CNTNAP2: variants seen among roughly 807,000 people sequenced by gnomAD.
CNTNAP2 encodes the protein contactin associated protein 2, also known as contactin-associated protein-like 2.
CNTNAP2 carries 98 observed loss-of-function variants against 155.2 expected under a neutral mutation model. The ratio of observed to expected loss-of-function variants is 0.63; its 90% confidence interval spans 0.54 to 0.75. The LOEUF is 0.75. Among genes scored for constraint, CNTNAP2 ranks in the 30% least tolerant of loss-of-function variants. The probability of loss-of-function intolerance (pLI) is 0.00; values close to 1 mark genes in which losing one functional copy is unlikely to be tolerated. For missense variants in CNTNAP2, 1,727 were observed against 1,688.1 expected, an observed-to-expected ratio of 1.02 and a Z score of -0.40; for synonymous variants, 651 against 631.2, an observed-to-expected ratio of 1.03 and a Z score of -0.47.
chr7:147,336,694 A>T (rs1032268829), intron 9 of CNTNAP2, among the ~76,000 whole-genome samples: 1 of 152,142 alleles, frequency 6.6e-6, no homozygotes, highest in African/African-American at 2.4e-5. Context: ...AGTCCAGGAC[A>T]TTAAATATCT....
intron 11 of CNTNAP2, among the ~76,000 whole-genome samples, chr7:147,541,337 T>C (rs1318954606): frequency 1.3e-5 from 2 of 152,170 alleles, no homozygotes; most frequent in African/African-American, 2.4e-5. Flanking sequence ...ACTTTCCTCC[T>C]TTGAAAATGG....
At chr7:148,139,585 G>A (rs1226892473) in intron 16 of CNTNAP2, among the ~76,000 whole-genome samples, 1 of 152,074 alleles carries the variant, frequency 6.6e-6, no homozygotes, top group Non-Finnish European at 1.5e-5. Context: ...GTGCAGTGGC[G>A]TGATCTCGGC....
At chr7:146,824,567 A>G (rs565081499) in intron 2 of CNTNAP2, among the ~76,000 whole-genome samples, 2 of 152,218 alleles carry the variant, frequency 1.3e-5, no homozygotes, top group South Asian at 2.1e-4. Flanking sequence ...CTGACTTTTT[A>G]ATGATTGCCA....
chr7:146,522,040 A>G (rs773230808), intron 1 of CNTNAP2, among the ~76,000 whole-genome samples: 5 of 151,868 alleles, frequency 3.3e-5, no homozygotes, highest in African/African-American at 1.2e-4. Flanking sequence ...TTGAAAAACA[A>G]AAGAGCTATA....
At chr7:147,652,673 T>C (rs1015938373) in intron 13 of CNTNAP2, among the ~76,000 whole-genome samples, 6 of 152,046 alleles carry the variant, frequency 3.9e-5, no homozygotes, top group Admixed American at 3.9e-4. Flanking sequence ...TAGGTTTATG[T>C]ACCTCTAGAC....
At chr7:147,071,579 T>G (rs1799892502) in intron 4 of CNTNAP2, among the ~76,000 whole-genome samples, 1 of 152,152 alleles carries the variant, frequency 6.6e-6, no homozygotes, top group African/African-American at 2.4e-5. Context: ...TAGCAATCAG[T>G]GAATACTTGA....
At chr7:147,104,271 A>C (rs2129278551) in intron 4 of CNTNAP2, among the ~76,000 whole-genome samples, 1 of 152,200 alleles carries the variant, frequency 6.6e-6, no homozygotes, top group South Asian at 2.1e-4. Flanking sequence ...TTTTTATTGA[A>C]GAAGTTGGAC....
intron 1 of CNTNAP2, among the ~76,000 whole-genome samples, chr7:146,196,835 T>C (rs540733850): frequency 1.0e-3 from 157 of 152,280 alleles, no homozygotes; most frequent in Middle Eastern, 6.8e-3. Flanking sequence ...CGCACTACTA[T>C]TGGAAATTTC....
At chr7:146,934,999 T>C (rs1050361087) in intron 3 of CNTNAP2, among the ~76,000 whole-genome samples, 1 of 152,230 alleles carries the variant, frequency 6.6e-6, no homozygotes, top group Admixed American at 6.5e-5. Context: ...ACATTGATGA[T>C]GAAACCTTTA....
chr7:147,428,854 T>G (rs898198205), intron 10 of CNTNAP2, among the ~76,000 whole-genome samples: 12 of 152,224 alleles, frequency 7.9e-5, no homozygotes, highest in Admixed American at 3.9e-4. Flanking sequence ...AGGGGTAATT[T>G]CTGACATTTA....
At chr7:147,857,373 G>GC (rs2116679484) in intron 13 of CNTNAP2, among the ~76,000 whole-genome samples, 1 of 152,174 alleles carries the variant, frequency 6.6e-6, no homozygotes, top group Non-Finnish European at 1.5e-5. Flanking sequence ...GGCTATTTGA[G>GC]CATCTAAATA....
intron 21 of CNTNAP2, among the ~76,000 whole-genome samples, chr7:148,339,974 A>AGT (rs10603520): frequency 0.11 from 16,099 of 144,640 alleles, 931 homozygotes; most frequent in Admixed American, 0.14. Flanking sequence ...TCCTTCGTGC[A>AGT]GTGTGTGTGT....
At chr7:147,235,224 C>T (rs906457208) in intron 8 of CNTNAP2, among the ~76,000 whole-genome samples, 5 of 151,992 alleles carry the variant, frequency 3.3e-5, no homozygotes, top group African/African-American at 9.7e-5. Flanking sequence ...TAGTATTAAA[C>T]TATAGGCTTT....
chr7:146,469,342 TC>T (rs1284060379), intron 1 of CNTNAP2, among the ~76,000 whole-genome samples: 1 of 150,030 alleles, frequency 6.7e-6, no homozygotes, highest in Non-Finnish European at 1.5e-5. Context: ...CAGAGACTGC[TC>T]CCCAAAGAAG....
At position 147,598,786 on chromosome 7, in the gene CNTNAP2, G is replaced by A. The variant is rs113917949; in HGVS notation, c.1897+36529G>A. ...TGGGAGTTAATTGAATCATGGGGGC[G>A]GTTACCCTCATGCTATTCTTGTGAT... On this transcript the variant is annotated intron_variant, in intron 12 of 23. Coordinates refer to ENST00000361727, the MANE Select transcript of CNTNAP2 (RefSeq NM_014141.6). 9.9e-5 allele frequency among the ~76,000 whole-genome samples: 15 copies of A among 152,188 alleles called. 1 individual carries two copies. The highest frequency in any genetic ancestry group is 3.4e-4 in the African/African-American group (14 of 41,514).
rs184597118 is a variant in CNTNAP2 at position 148,292,001 on chromosome 7, G to A, written c.3475+24875G>A. 9.2e-5 allele frequency among the ~76,000 whole-genome samples: 14 copies of A among 152,186 alleles called. No individual in the cohort carries two copies. The East Asian group carries it at 1.4e-3, about 15-fold the overall frequency. ...GGTGCTGGGTGGTGAGGCAAACACA[G>A]CAGCAGGAATGTTAACATTTCATAT... On this transcript the variant is annotated intron_variant, in intron 21 of 23. Coordinates refer to ENST00000361727, the MANE Select transcript of CNTNAP2 (RefSeq NM_014141.6).
chr7:147,618,653 A>G (rs1379100340), intron 12 of CNTNAP2, among the ~76,000 whole-genome samples: 3 of 150,048 alleles, frequency 2.0e-5, no homozygotes, highest in Non-Finnish European at 4.4e-5. Flanking sequence ...TATATATAAT[A>G]ACAGCTATTA....
intron 10 of CNTNAP2, among the ~76,000 whole-genome samples, chr7:147,469,229 A>G (rs888605694): frequency 6.6e-6 from 1 of 152,190 alleles, no homozygotes; most frequent in African/African-American, 2.4e-5. Context: ...AAGCCAGCCT[A>G]TGAAATGCCA....
intron 1 of CNTNAP2, among the ~76,000 whole-genome samples, chr7:146,659,605 C>A: frequency 6.6e-6 from 1 of 152,018 alleles, no homozygotes; most frequent in East Asian, 1.9e-4. Context: ...TTATGATTCC[C>A]AAACCACTCA....
Sources: allele counts gnomAD v4.1 joint callset (sites outside exome capture counted in the v4.1 genomes callset), GRCh38; gene constraint gnomAD v4.1.1; transcripts MANE v1.5; gene names NCBI Gene and HGNC (gene_info 2026-07-23, HGNC 2026-07-21).